Variants in INAFM1 observed in about 807,000 individuals in gnomAD.
The protein encoded by INAFM1 is putative transmembrane protein INAFM1.
INAFM1 carries 11 observed loss-of-function variants against 9.4 expected under a neutral mutation model. The ratio of observed to expected loss-of-function variants is 1.17; its 90% confidence interval spans 0.74 to 1.94. The LOEUF is 1.94. INAFM1 is among the 30% of genes most tolerant of loss of function. INAFM1 has a pLI of 0.00. For missense variants in INAFM1, 318 were observed against 221.6 expected (o/e 1.44, Z -2.76); for synonymous variants, 161 against 109.5 (o/e 1.47, Z -2.94).
rs1159020112 is a variant in INAFM1 at position 47,275,154 on chromosome 19, C to A, written c.235C>A (p.Arg79Ser). The A allele has an allele frequency of 6.7e-7, 1 of 1,484,898 alleles. No individual in the cohort carries two copies. Among genetic ancestry groups the A allele is most frequent in the Admixed American group, 2.4e-5 (1 of 42,296 alleles). 92.0% of individuals were successfully genotyped at this position (1,484,898 alleles called of 1,614,324 possible). The change falls in exon 1 of 1, where the codon CGC (arginine) becomes AGC (serine). Residue 79 changes from arginine (R) to serine (S), a missense_variant. Coordinates refer to ENST00000552360, the MANE Select transcript of INAFM1 (RefSeq NM_178511.6). Reference sequence around the variant, plus strand: ...CGCGCCGTCCCCTCCGTGTGCTGCCCGCCCGGGCGTGCCGCCTGTCCCGGC... The same window carrying A: ...CGCGCCGTCCCCTCCGTGTGCTGCCAGCCCGGGCGTGCCGCCTGTCCCGGC... The part of the protein sequence containing the change: ...PSAPSPPCAA[R>S]PGVPPVPAPA...
chr19:47,275,380 C>G lies in INAFM1; in HGVS notation c.*32C>G, dbSNP rs1343976356. 6 of 1,527,232 alleles carry G rather than the reference C, an allele frequency of 3.9e-6. No homozygotes were observed. Among genetic ancestry groups the G allele is most frequent in the Non-Finnish European group, 4.4e-6 (5 of 1,136,272 alleles). The allele number at this position is 1,527,232 out of a possible 1,614,324, so 94.6% of individuals were successfully genotyped here. On this transcript the variant is annotated 3_prime_UTR_variant, in exon 1 of 1. Coordinates refer to ENST00000552360, the MANE Select transcript of INAFM1 (RefSeq NM_178511.6). ...CTTCCACCCCAACCCGGATCGCCAGCCCTCGAGAGCTCTGTGCTCCACGCC... is the reference window on the plus strand; with the variant it reads ...CTTCCACCCCAACCCGGATCGCCAGGCCTCGAGAGCTCTGTGCTCCACGCC...
rs1263415671 is a variant in INAFM1, at chr19:47,274,914, G to A, written c.-6G>A. ...TCTGCGGCGCGGAGCCGAGTGGGCT[G>A]CGGGGATGCGGGGGACCAGCTGCGT... is the stretch of plus-strand genomic sequence containing the variant. On this transcript the variant is annotated 5_prime_UTR_variant, in exon 1 of 1. Transcript: ENST00000552360. The A allele has an allele frequency of 1.9e-5, 25 of 1,313,308 alleles. No individual in the cohort carries two copies. Among genetic ancestry groups the A allele is most frequent in the Non-Finnish European group, 2.3e-5 (24 of 1,041,906 alleles). The allele number at this position is 1,313,308 out of a possible 1,614,324, so 81.4% of individuals were successfully genotyped here. A position where few individuals can be genotyped will look rare whatever the true frequency, so the allele number is the denominator to read the frequency against.
In INAFM1 at chr19:47,275,112, G is replaced by A. The variant is rs768911805; in HGVS notation, c.193G>A (p.Ala65Thr). ...WVPTRSPAAP[A>T]GPQPSAPSPP... ...ACCCACGCGGTCTCCCGCGGCACCC[G>A]CCGGCCCACAGCCCAGCGCGCCGTC... The change falls in exon 1 of 1, where the codon GCC becomes ACC. Residue 65 changes from alanine to threonine, a missense_variant. Transcript: ENST00000552360. The A allele has an allele frequency of 1.9e-5, 29 of 1,493,030 alleles. No homozygotes were observed. Among genetic ancestry groups the A allele is most frequent in the African/African-American group, 4.4e-5 (3 of 68,424 alleles). 92.5% of individuals were successfully genotyped at this position (1,493,030 alleles called of 1,614,324 possible).
In INAFM1 at chr19:47,275,294, C is replaced by A; in HGVS notation, c.375C>A (p.Ser125Arg). The A allele has an allele frequency of 6.5e-7, 1 of 1,546,034 alleles. No homozygotes were observed. The highest frequency in any genetic ancestry group is 8.7e-7 in the Non-Finnish European group (1 of 1,145,118). ...ACAGCGACCCTGACCGCCGTCCGAG[C>A]CGCCAGACACCCAGAGAGACGCCAG... ...RRYSDPDRRP[S>R]RQTPRETPEA... is the part of the protein sequence containing the mutation. The change falls in exon 1 of 1, where the codon AGC (serine) becomes AGA (arginine). Residue 125 changes from serine to arginine, a missense_variant. Physicochemically the swap from Ser to Arg is moderately radical, Grantham distance 110 (BLOSUM62 -1). Coordinates refer to ENST00000552360, the MANE Select transcript of INAFM1 (RefSeq NM_178511.6).
rs1274963272 is a variant in INAFM1 at position 47,275,015 on chromosome 19, G to T, written c.96G>T (p.Pro32=). The T allele has an allele frequency of 2.0e-6, 3 of 1,482,684 alleles. No individual in the cohort carries two copies. Among genetic ancestry groups the T allele is most frequent in the African/African-American group, 1.5e-5 (1 of 68,242 alleles). The allele number at this position is 1,482,684 out of a possible 1,614,324, so 91.8% of individuals were successfully genotyped here. Residue 32 remains proline (P), a synonymous_variant, in exon 1 of 1, where the codon CCG becomes CCT. Coordinates refer to ENST00000552360, the MANE Select transcript of INAFM1 (RefSeq NM_178511.6). ...GPRGRWLRLA[P]VCAYFLCVSL... ...GGGGGCGCTGGCTGCGCTTGGCTCC[G>T]GTATGCGCCTACTTCCTCTGCGTCT...
chr19:47,274,912 C>CTGCGGGGA lies in INAFM1; in HGVS notation c.1_8dup. 1 of 1,304,404 alleles carries CTGCGGGGA rather than the reference C, an allele frequency of 7.7e-7. No homozygotes were observed. Among genetic ancestry groups the CTGCGGGGA allele is most frequent in the African/African-American group, 1.6e-5 (1 of 60,972 alleles). The allele number at this position is 1,304,404 out of a possible 1,614,324, so 80.8% of individuals were successfully genotyped here. On this transcript the variant is annotated 5_prime_UTR_variant, in exon 1 of 1. In the 5' UTR this introduces an upstream ATG that the reference lacks. Transcript: ENST00000552360. Reference sequence around the variant, plus strand: ...GGTCTGCGGCGCGGAGCCGAGTGGGCTGCGGGGATGCGGGGGACCAGCTGC... The same window carrying CTGCGGGGA: ...GGTCTGCGGCGCGGAGCCGAGTGGGCTGCGGGGATGCGGGGATGCGGGGGACCAGCTGC...
chr19:47,275,286 C>G lies in INAFM1; in HGVS notation c.367C>G (p.Arg123Gly), dbSNP rs748465000. Residue 123 changes from arginine (R) to glycine (G), a missense_variant, in exon 1 of 1, where the codon CGT becomes GGT. Transcript: ENST00000552360. ...RRRRYSDPDRRPSRQTPRETP... is the reference protein window; with the variant it reads ...RRRRYSDPDRGPSRQTPRETP... The stretch of plus-strand genomic sequence containing the variant: ...CCGCCGCTACAGCGACCCTGACCGC[C>G]GTCCGAGCCGCCAGACACCCAGAGA... 1.3e-6 allele frequency: 2 copies of G among 1,546,018 alleles called. No homozygotes were observed. Among genetic ancestry groups the G allele is most frequent in the East Asian group, 2.5e-5 (1 of 40,204 alleles).
Position 47,275,078 on chromosome 19 carries a change from C to G in INAFM1, c.159C>G (p.Leu53=). 2.7e-6 allele frequency: 4 copies of G among 1,496,386 alleles called. No homozygotes were observed. In the South Asian group the frequency reaches 5.0e-5, roughly 19 times the overall value. 92.7% of individuals were successfully genotyped at this position (1,496,386 alleles called of 1,614,324 possible). ...AAVLLAVYYG[L]IWVPTRSPAA... ...TGCTGCTCGCCGTGTACTACGGTCT[C>G]ATCTGGGTACCCACGCGGTCTCCCG... Residue 53 remains leucine, a synonymous_variant, in exon 1 of 1, where the codon CTC becomes CTG. Coordinates refer to ENST00000552360, the MANE Select transcript of INAFM1 (RefSeq NM_178511.6).
chr19:47,275,326 C>T lies in INAFM1; in HGVS notation c.407C>T (p.Ala136Val), dbSNP rs1405343909. The T allele has an allele frequency of 6.5e-6, 10 of 1,545,874 alleles. No homozygotes were observed. The highest frequency in any genetic ancestry group is 1.2e-5 in the South Asian group (1 of 83,954). ...ACACCCAGAGAGACGCCAGAGGCCGCGGAGGGGCGAAGACCCGGGTAACTC... is the reference window on the plus strand; with the variant it reads ...ACACCCAGAGAGACGCCAGAGGCCGTGGAGGGGCGAAGACCCGGGTAACTC... ...RQTPRETPEA[A>V]EGRRPG The change falls in exon 1 of 1, where the codon GCG becomes GTG. Residue 136 changes from alanine (A) to valine (V), a missense_variant. Ala to Val is a moderately conservative substitution (Grantham distance 64). Transcript: ENST00000552360.
chr19:47,274,987 C>A lies in INAFM1; in HGVS notation c.68C>A (p.Pro23Gln). The A allele has an allele frequency of 6.8e-7, 1 of 1,466,318 alleles. No individual in the cohort carries two copies. Among genetic ancestry groups the A allele is most frequent in the Non-Finnish European group, 9.0e-7 (1 of 1,113,282 alleles). The allele number at this position is 1,466,318 out of a possible 1,614,324, so 90.8% of individuals were successfully genotyped here. A position where few individuals can be genotyped will look rare whatever the true frequency, so the allele number is the denominator to read the frequency against. Residue 23 changes from proline to glutamine, a missense_variant, in exon 1 of 1, where the codon CCG (proline) becomes CAG (glutamine). By Grantham distance (76) the Pro-to-Gln change is moderately conservative. Coordinates refer to ENST00000552360, the MANE Select transcript of INAFM1 (RefSeq NM_178511.6). ...GGAGGCGCGGGGCTGAGCGAGGGCC[C>A]GCGGGGGCGCTGGCTGCGCTTGGCT... Reference protein sequence around the residue: ...SPGGAGLSEGPRGRWLRLAPV... With the variant: ...SPGGAGLSEGQRGRWLRLAPV...
Position 47,274,912 on chromosome 19 carries a change from C to CTGCGGGGT in INAFM1, c.-1_1insTTGCGGGG. On this transcript the variant is annotated 5_prime_UTR_variant, in exon 1 of 1. Transcript: ENST00000552360. ...GGTCTGCGGCGCGGAGCCGAGTGGGCTGCGGGGATGCGGGGGACCAGCTGC... is the reference window on the plus strand; with the variant it reads ...GGTCTGCGGCGCGGAGCCGAGTGGGCTGCGGGGTTGCGGGGATGCGGGGGACCAGCTGC... 1 of 1,304,404 alleles carries CTGCGGGGT rather than the reference C, an allele frequency of 7.7e-7. No individual in the cohort carries two copies. The allele number at this position is 1,304,404 out of a possible 1,614,324, so 80.8% of individuals were successfully genotyped here.
upstream of INAFM1, chr19:47,274,799 T>TTGGCGGG: frequency 1.7e-6 from 1 of 603,822 alleles, no homozygotes; most frequent in Non-Finnish European, 2.0e-6. Flanking sequence ...GTGACCATGC[T>TTGGCGGG]GGCGGGGGCG....
upstream of INAFM1, chr19:47,274,671 T>A (rs2059144756): frequency 2.3e-5 from 4 of 173,144 alleles, no homozygotes; most frequent in East Asian, 4.0e-4. Context: ...GTGGTGGGGC[T>A]AAGCGCGGGG....
In INAFM1 at chr19:47,274,944, G is replaced by A. The variant is rs1351719824; in HGVS notation, c.25G>A (p.Gly9Ser). The A allele has an allele frequency of 5.9e-6, 8 of 1,355,060 alleles. No homozygotes were observed. Among genetic ancestry groups the A allele is most frequent in the African/African-American group, 1.5e-5 (1 of 64,748 alleles). The allele number at this position is 1,355,060 out of a possible 1,614,324, so 83.9% of individuals were successfully genotyped here. Reference sequence around the variant, plus strand: ...GATGCGGGGGACCAGCTGCGTGGGCGGCGGCGCCGAGAGCCCCGGAGGCGC... The same window carrying A: ...GATGCGGGGGACCAGCTGCGTGGGCAGCGGCGCCGAGAGCCCCGGAGGCGC... MRGTSCVG[G>S]GAESPGGAGL... Residue 9 changes from glycine (G) to serine (S), a missense_variant, in exon 1 of 1, where the codon GGC (glycine) becomes AGC (serine). Transcript: ENST00000552360.
In INAFM1 at chr19:47,274,926, G is replaced by C. The variant is rs1405393886; in HGVS notation, c.7G>C (p.Gly3Arg). The change falls in exon 1 of 1, where the codon GGG becomes CGG. Residue 3 changes from glycine (G) to arginine (R), a missense_variant. By Grantham distance (125) the Gly-to-Arg change is moderately radical. Coordinates refer to ENST00000552360, the MANE Select transcript of INAFM1 (RefSeq NM_178511.6). ...AGCCGAGTGGGCTGCGGGGATGCGG[G>C]GGACCAGCTGCGTGGGCGGCGGCGC... is the stretch of plus-strand genomic sequence containing the variant. MR[G>R]TSCVGGGAES... 4 of 1,326,486 alleles carry C rather than the reference G, an allele frequency of 3.0e-6. No homozygotes were observed. Among genetic ancestry groups the C allele is most frequent in the Non-Finnish European group, 3.8e-6 (4 of 1,049,004 alleles). 82.2% of individuals were successfully genotyped at this position (1,326,486 alleles called of 1,614,324 possible).
In INAFM1 at chr19:47,275,436, C is replaced by A; in HGVS notation, c.*88C>A. The A allele has an allele frequency of 6.9e-7, 1 of 1,441,640 alleles. No homozygotes were observed. The highest frequency in any genetic ancestry group is 9.2e-7 in the Non-Finnish European group (1 of 1,090,596). 89.3% of individuals were successfully genotyped at this position (1,441,640 alleles called of 1,614,324 possible). ...TGCACCGTCTCTGGATTGGTCCGGC[C>A]TTCTTCCTAATGACATCGCTCAGCG... is the stretch of plus-strand genomic sequence containing the variant. On this transcript the variant is annotated 3_prime_UTR_variant, in exon 1 of 1. Coordinates refer to ENST00000552360, the MANE Select transcript of INAFM1 (RefSeq NM_178511.6).
In INAFM1 at chr19:47,274,980, G is replaced by A. The variant is rs762385864; in HGVS notation, c.61G>A (p.Glu21Lys). ...GAGCCCCGGAGGCGCGGGGCTGAGC[G>A]AGGGCCCGCGGGGGCGCTGGCTGCG... ...AESPGGAGLS[E>K]GPRGRWLRLA... The change falls in exon 1 of 1, where the codon GAG becomes AAG. Residue 21 changes from glutamate to lysine, a missense_variant. Glu to Lys is a moderately conservative substitution (Grantham distance 56). Transcript: ENST00000552360. 7.5e-6 allele frequency: 11 copies of A among 1,462,342 alleles called. No individual in the cohort carries two copies. In the South Asian group the frequency reaches 1.2e-4, roughly 16 times the overall value. 90.6% of individuals were successfully genotyped at this position (1,462,342 alleles called of 1,614,324 possible).
At chr19:47,274,499 G>A (rs1424504161), upstream of INAFM1, 1 of 157,800 alleles carries the variant, frequency 6.3e-6, no homozygotes, top group Non-Finnish European at 1.4e-5. Flanking sequence ...AGTCCGACAG[G>A]TAGAGAAGTG....
rs941783153 is a variant in INAFM1 at position 47,275,134 on chromosome 19, C to G, written c.215C>G (p.Pro72Arg). ...CCCGCCGGCCCACAGCCCAGCGCGC[C>G]GTCCCCTCCGTGTGCTGCCCGCCCG... Reference protein sequence around the residue: ...AAPAGPQPSAPSPPCAARPGV... With the variant: ...AAPAGPQPSARSPPCAARPGV... Residue 72 changes from proline (P) to arginine (R), a missense_variant, in exon 1 of 1, where the codon CCG becomes CGG. Transcript: ENST00000552360. The G allele has an allele frequency of 6.2e-5, 93 of 1,490,412 alleles. No individual in the cohort carries two copies. Among genetic ancestry groups the G allele is most frequent in the Non-Finnish European group, 8.0e-5 (90 of 1,124,180 alleles). 92.3% of individuals were successfully genotyped at this position (1,490,412 alleles called of 1,614,324 possible).
Sources: gnomAD v4.1 joint callset for allele counts on GRCh38, gnomAD v4.1.1 for gene constraint, MANE v1.5 for transcripts, NCBI Gene and HGNC (gene_info 2026-07-23, HGNC 2026-07-21) for gene names.